The following ADSL variants were observed in gnomAD, a reference collection of about 807,000 sequenced individuals.
ADSL encodes the protein adenylosuccinase.
In ADSL, 44 loss-of-function variants were observed where a neutral mutation model predicts 62.1. The observed-to-expected ratio is 0.71, with a 90% confidence interval of 0.56 to 0.91. The LOEUF (loss-of-function observed/expected upper bound fraction) is 0.91, where lower values mean the gene tolerates loss of function less well. ADSL is among the 40% of genes least tolerant of loss of function. The pLI, the probability that ADSL is intolerant of heterozygous loss-of-function variation, is 0.00. For missense variants in ADSL, 531 were observed against 627.4 expected (o/e 0.85, Z 1.64); for synonymous variants, 198 against 220.5 (o/e 0.90, Z 0.90).
chr22:40,367,783 T>C lies in ADSL; in HGVS notation c.*1261T>C, dbSNP rs1422395979. Reference sequence around the variant, plus strand: ...ACAAAACTGGGAGAATTAACAAGTATGTTTATTTGGTAAAATAAGTTTTCA... The same window carrying C: ...ACAAAACTGGGAGAATTAACAAGTACGTTTATTTGGTAAAATAAGTTTTCA... On this transcript the variant is annotated 3_prime_UTR_variant, in exon 13 of 13. Transcript: ENST00000623063. The C allele has an allele frequency of 1.3e-5, 2 of 154,536 alleles. No homozygotes were observed. The highest frequency in any genetic ancestry group is 4.8e-5 in the African/African-American group (2 of 41,476). The allele number at this position is 154,536 out of a possible 1,614,324, so 9.6% of individuals were successfully genotyped here. A position where few individuals can be genotyped will look rare whatever the true frequency, so the allele number is the denominator to read the frequency against.
intron 2 of ADSL, among the ~76,000 whole-genome samples, chr22:40,385,486 C>T (rs2048268446): frequency 6.6e-6 from 1 of 152,050 alleles, no homozygotes; most frequent in Non-Finnish European, 1.5e-5. Context: ...GAAAGGTTCT[C>T]GTGGGTGGAG....
At chr22:40,351,130 G>A (rs1323748507) in intron 2 of ADSL, among the ~76,000 whole-genome samples, 1 of 151,968 alleles carries the variant, frequency 6.6e-6, no homozygotes, top group Non-Finnish European at 1.5e-5. Context: ...GAGTAGCTGG[G>A]ACCACAGGCA....
chr22:40,372,316 C>G (rs1466597878), downstream of ADSL, among the ~76,000 whole-genome samples: 1 of 151,632 alleles, frequency 6.6e-6, no homozygotes, highest in Non-Finnish European at 1.5e-5. Flanking sequence ...TTAGTAGAGA[C>G]GGGGTTTCAC....
chr22:40,355,735 A>T (rs1346177360), intron 4 of ADSL, among the ~76,000 whole-genome samples: 4 of 152,192 alleles, frequency 2.6e-5, no homozygotes, highest in Non-Finnish European at 4.4e-5. Context: ...TTAGCAGTTA[A>T]CAAGGAAAAC....
chr22:40,369,925 C>CT (rs2045152132), downstream of ADSL, among the ~76,000 whole-genome samples: 2 of 152,132 alleles, frequency 1.3e-5, no homozygotes, highest in African/African-American at 4.8e-5. Flanking sequence ...GTAAACACAG[C>CT]TTTAGTGGAA....
At chr22:40,385,930 C>T (rs749022564) in intron 2 of ADSL, among the ~76,000 whole-genome samples, 2 of 152,048 alleles carry the variant, frequency 1.3e-5, no homozygotes, top group Admixed American at 6.5e-5. Flanking sequence ...CAGCCCACTG[C>T]AGCGTCGACC....
intron 12 of ADSL, among the ~76,000 whole-genome samples, chr22:40,365,484 A>G (rs2146675376): frequency 6.6e-6 from 1 of 152,274 alleles, no homozygotes; most frequent in East Asian, 1.9e-4. Flanking sequence ...GGTAAAAGTA[A>G]ATATCTCAGT....
chr22:40,349,985 G>A lies in ADSL; in HGVS notation c.307G>A (p.Ala103Thr). Reference protein sequence around the residue: ...HTFGHCCPKAAGIIHLGATSC... With the variant: ...HTFGHCCPKATGIIHLGATSC... ...ATTTGGCCACTGCTGTCCAAAAGCTGCAGGCATTATTCACCTTGGTGCTAC... is the reference window on the plus strand; with the variant it reads ...ATTTGGCCACTGCTGTCCAAAAGCTACAGGCATTATTCACCTTGGTGCTAC... Residue 103 changes from alanine to threonine, a missense_variant, in exon 2 of 13, where the codon GCA (alanine) becomes ACA (threonine). This residue lies in a region of ADSL where 471 missense variants were observed against 592.9 expected (regional missense o/e 0.79). Transcript: ENST00000623063. 1.2e-6 allele frequency: 2 copies of A among 1,614,072 alleles called. No homozygotes were observed. The highest frequency in any genetic ancestry group is 1.7e-6 in the Non-Finnish European group (2 of 1,179,970).
At chr22:40,370,160 T>C (rs2045166078), downstream of ADSL, among the ~76,000 whole-genome samples, 1 of 151,812 alleles carries the variant, frequency 6.6e-6, no homozygotes, top group South Asian at 2.1e-4. Context: ...GCCAACATGG[T>C]GAAACCCCGT....
intron 2 of ADSL, among the ~76,000 whole-genome samples, chr22:40,385,801 T>C (rs903427916): frequency 6.6e-5 from 10 of 152,190 alleles, no homozygotes; most frequent in Admixed American, 4.6e-4. Context: ...AGCATGTGGC[T>C]TGTTCCCTAA....
chr22:40,351,024 C>T (rs1026394956), intron 2 of ADSL, among the ~76,000 whole-genome samples: 9 of 151,714 alleles, frequency 5.9e-5, no homozygotes, highest in Non-Finnish European at 1.0e-4. Flanking sequence ...GACAGGGTCT[C>T]GCTTCTGTCA....
chr22:40,383,229 AGGCCGAGGCG>A (rs2047860937), intron 2 of ADSL, among the ~76,000 whole-genome samples: 1 of 152,066 alleles, frequency 6.6e-6, no homozygotes, highest in Non-Finnish European at 1.5e-5. Flanking sequence ...GCACTTTGGG[AGGCCGAGGCG>A]GGCAGATCAC....
chr22:40,364,499 T>C, intron 11 of ADSL, 134 bp downstream of exon 11: 2 of 810,362 alleles, frequency 2.5e-6, no homozygotes, highest in Non-Finnish European at 2.1e-6. Flanking sequence ...GCAGTGGCCA[T>C]AATCTGCCAT....
intron 10 of ADSL, among the ~76,000 whole-genome samples, chr22:40,363,450 T>A (rs112262048): frequency 5.5e-4 from 84 of 152,224 alleles, no homozygotes; most frequent in Non-Finnish European, 1.0e-3. Context: ...TAAGAATTCT[T>A]TCAGGCCAGG....
At chr22:40,359,554 T>A (rs141795801) in intron 6 of ADSL, among the ~76,000 whole-genome samples, 1 of 151,922 alleles carries the variant, frequency 6.6e-6, no homozygotes, top group East Asian at 1.9e-4. Context: ...ATTATTGTTT[T>A]TGAGACAGGG....
At chr22:40,348,935 C>T (rs759425030) in intron 1 of ADSL, 9 of 225,584 alleles carry the variant, frequency 4.0e-5, no homozygotes, top group Non-Finnish European at 6.8e-5. Flanking sequence ...GAATGTAAGA[C>T]ATCAATGTGT....
At chr22:40,386,174 C>T (rs1390108385) in intron 2 of ADSL, among the ~76,000 whole-genome samples, 2 of 152,152 alleles carry the variant, frequency 1.3e-5, no homozygotes, top group Non-Finnish European at 2.9e-5. Context: ...GCCACCACCT[C>T]TCCCAGCCAA....
At chr22:40,375,434 G>T (rs1286909050) in intron 2 of ADSL, among the ~76,000 whole-genome samples, 1 of 151,956 alleles carries the variant, frequency 6.6e-6, no homozygotes, top group Non-Finnish European at 1.5e-5. Flanking sequence ...ACAAAAATTA[G>T]CTGGGTGTGG....
chr22:40,356,225 AAG>A (rs1288508153), intron 4 of ADSL, among the ~76,000 whole-genome samples: 3 of 149,430 alleles, frequency 2.0e-5, no homozygotes, highest in Non-Finnish European at 4.5e-5. Context: ...AAAAGAAAGA[AAG>A]AAATTAGGCT....
Sources: allele counts gnomAD v4.1 joint callset (sites outside exome capture counted in the v4.1 genomes callset), GRCh38; gene constraint gnomAD v4.1.1; regional missense constraint gnomAD v4.1.1; transcripts MANE v1.5; gene names NCBI Gene and HGNC (gene_info 2026-07-23, HGNC 2026-07-21).